The following PRKN variants were observed in gnomAD, a reference collection of about 807,000 sequenced individuals.
PRKN encodes E3 ubiquitin-protein ligase parkin.
Under a neutral mutation model 59.5 loss-of-function variants are expected in PRKN, and 56 were observed. That is an observed-to-expected ratio of 0.94 (90% CI 0.76 to 1.18). The LOEUF (loss-of-function observed/expected upper bound fraction) is 1.18, where lower values mean the gene tolerates loss of function less well. Ranked by LOEUF, PRKN falls within the 50% of genes most tolerant of loss-of-function variation. PRKN has a pLI of 0.00. For missense variants in PRKN, 657 were observed against 596.4 expected, an observed-to-expected ratio of 1.10 and a Z score of -1.06; for synonymous variants, 250 against 222.1, an observed-to-expected ratio of 1.13 and a Z score of -1.12.
intron 9 of PRKN, among the ~76,000 whole-genome samples, chr6:161,517,047 T>C (rs1221739253): frequency 2.0e-5 from 3 of 152,180 alleles, no homozygotes; most frequent in Non-Finnish European, 2.9e-5. Context: ...ATAGTAATAG[T>C]GTTGATTTCA....
chr6:162,720,979 A>G (rs1778920723), intron 1 of PRKN, among the ~76,000 whole-genome samples: 1 of 152,234 alleles, frequency 6.6e-6, no homozygotes. Context: ...ACATGAAATA[A>G]AACACCTGTC....
chr6:161,470,673 G>A lies in PRKN; in HGVS notation c.1083+78181C>T, dbSNP rs1764048898. ...CTATGCCCCAGGCACCTGAGCCCCAGAATTCCCTGCCCAAATGGCCTGGGC... is the reference window on the plus strand; with the variant it reads ...CTATGCCCCAGGCACCTGAGCCCCAAAATTCCCTGCCCAAATGGCCTGGGC... On this transcript the variant is annotated intron_variant, in intron 9 of 11. Coordinates refer to ENST00000366898, the MANE Select transcript of PRKN (RefSeq NM_004562.3). This position sits in a 1 kb window ranked among gnomAD's most constrained non-coding sequence, Gnocchi z 5.1. Among the ~76,000 whole-genome samples the A allele has an allele frequency of 6.6e-6, 1 of 152,192 alleles. No individual in the cohort carries two copies. Among genetic ancestry groups the A allele is most frequent in the African/African-American group, 2.4e-5 (1 of 41,458 alleles).
chr6:162,553,143 T>C (rs761714931), intron 1 of PRKN, among the ~76,000 whole-genome samples: 3 of 151,936 alleles, frequency 2.0e-5, no homozygotes, highest in Non-Finnish European at 4.4e-5. Flanking sequence ...ACAATGTGCA[T>C]TGGGGAAATG....
intron 6 of PRKN, among the ~76,000 whole-genome samples, chr6:161,918,201 AATCAATTCAC>A (rs1305301310): frequency 6.6e-6 from 1 of 152,182 alleles, no homozygotes; most frequent in African/African-American, 2.4e-5. Context: ...GCTCATGGGT[AATCAATTCAC>A]ATATTTACCA....
chr6:162,077,654 T>C (rs1778882818), intron 4 of PRKN, among the ~76,000 whole-genome samples: 2 of 152,024 alleles, frequency 1.3e-5, no homozygotes, highest in Admixed American at 1.3e-4. Context: ...AAATGAAAAA[T>C]CCAGGATGGT....
chr6:162,263,438 G>C (rs76366559), intron 2 of PRKN, among the ~76,000 whole-genome samples: 1 of 152,010 alleles, frequency 6.6e-6, no homozygotes, highest in Admixed American at 6.6e-5. Context: ...CATTACACTG[G>C]TGGGGAAGCA....
At chr6:161,594,903 A>C (rs1781859054) in intron 7 of PRKN, among the ~76,000 whole-genome samples, 2 of 152,266 alleles carry the variant, frequency 1.3e-5, no homozygotes, top group Admixed American at 6.5e-5. Flanking sequence ...AAACAGTCAA[A>C]TCAGATAGGC....
intron 1 of PRKN, among the ~76,000 whole-genome samples, chr6:162,523,828 G>T (rs1778169384): frequency 6.6e-6 from 1 of 151,998 alleles, no homozygotes. Context: ...ACCAGCCTGG[G>T]CAACATAGCA....
intron 1 of PRKN, among the ~76,000 whole-genome samples, chr6:162,612,086 G>A (rs1196802067): frequency 6.7e-6 from 1 of 150,250 alleles, no homozygotes; most frequent in Admixed American, 6.6e-5. Flanking sequence ...CCAGCTACTC[G>A]GGAGGCTGAG....
intron 2 of PRKN, among the ~76,000 whole-genome samples, chr6:162,329,731 TAAAA>T (rs528989878): frequency 4.6e-5 from 7 of 151,890 alleles, no homozygotes; most frequent in African/African-American, 1.7e-4. Context: ...AATAAAAAAA[TAAAA>T]AAACTCAATA....
At chr6:162,367,699 T>G (rs1242337396) in intron 2 of PRKN, among the ~76,000 whole-genome samples, 1 of 152,106 alleles carries the variant, frequency 6.6e-6, no homozygotes, top group South Asian at 2.1e-4. Context: ...ACATACAAGA[T>G]GTATTAGGTA....
chr6:161,511,927 C>T (rs546052472), intron 9 of PRKN, among the ~76,000 whole-genome samples: 5 of 152,294 alleles, frequency 3.3e-5, no homozygotes, highest in Admixed American at 2.0e-4. Flanking sequence ...TTACGATCCG[C>T]GGGAAGGCTA....
intron 6 of PRKN, among the ~76,000 whole-genome samples, chr6:161,920,042 C>T (rs772513072): frequency 2.0e-5 from 3 of 152,196 alleles, no homozygotes; most frequent in Non-Finnish European, 4.4e-5. Flanking sequence ...CCTTTTGCTG[C>T]TGGGTTAAAA....
At chr6:162,074,778 T>C (rs1489567352) in intron 4 of PRKN, among the ~76,000 whole-genome samples, 1 of 152,150 alleles carries the variant, frequency 6.6e-6, no homozygotes, top group Non-Finnish European at 1.5e-5. Context: ...TGTACCTATG[T>C]TAAACCAATG....
rs566282264 is a variant in PRKN, at chr6:161,695,138, G to A, written c.871+90634C>T. ...CCCCAGGACTGTGGACTAGGACACG[G>A]TTTTGCCTAATGACTGATTATATCC... On this transcript the variant is annotated intron_variant, in intron 7 of 11. Coordinates refer to ENST00000366898, the MANE Select transcript of PRKN (RefSeq NM_004562.3). Among the ~76,000 whole-genome samples the A allele has an allele frequency of 1.7e-4, 26 of 152,266 alleles. No individual in the cohort carries two copies. In the East Asian group the frequency reaches 4.4e-3, roughly 26 times the overall value.
At chr6:162,044,834 G>C (rs1017551835) in intron 5 of PRKN, among the ~76,000 whole-genome samples, 2 of 152,098 alleles carry the variant, frequency 1.3e-5, no homozygotes, top group African/African-American at 2.4e-5. Flanking sequence ...TGTGTTTTCT[G>C]AACTCCATAA....
At chr6:162,114,562 T>C (rs967410373) in intron 4 of PRKN, among the ~76,000 whole-genome samples, 2 of 152,132 alleles carry the variant, frequency 1.3e-5, no homozygotes, top group African/African-American at 4.8e-5. Flanking sequence ...TGTACATTGA[T>C]TTTGTATCCT....
chr6:161,551,553 C>T lies in PRKN; in HGVS notation c.934-2550G>A, dbSNP rs1293068793. On this transcript the variant is annotated intron_variant, in intron 8 of 11. Transcript: ENST00000366898. This position sits in a 1 kb window ranked among gnomAD's most constrained non-coding sequence, Gnocchi z 5.2. ...AGGGAACACATCTCAAGGAGGCTGC[C>T]ATGATGAGCTGTGGTTGGAGCTGGG... Among the ~76,000 whole-genome samples, 2 of 152,070 alleles carry T rather than the reference C, an allele frequency of 1.3e-5. No individual in the cohort carries two copies. Among genetic ancestry groups the T allele is most frequent in the African/African-American group, 4.8e-5 (2 of 41,422 alleles).
intron 4 of PRKN, among the ~76,000 whole-genome samples, chr6:162,107,582 C>A (rs990488983): frequency 2.6e-5 from 4 of 152,196 alleles, no homozygotes; most frequent in African/African-American, 4.8e-5. Context: ...TAAAGCATGG[C>A]CCAGTCAGCA....
Sources: gnomAD v4.1 joint callset for allele counts (sites outside exome capture counted in the v4.1 genomes callset) on GRCh38, gnomAD v4.1.1 for gene constraint, Gnocchi (gnomAD v3.1) non-coding constraint, MANE v1.5 for transcripts, NCBI Gene and HGNC (gene_info 2026-07-23, HGNC 2026-07-21) for gene names.